AP2A2: variants seen among roughly 807,000 people sequenced by gnomAD.
AP2A2 encodes AP-2 complex subunit alpha-2.
Under a neutral mutation model 104.2 loss-of-function variants are expected in AP2A2, and 32 were observed. The observed-to-expected ratio is 0.31, with a 90% confidence interval of 0.23 to 0.41. AP2A2 has a LOEUF of 0.41. Among genes scored for constraint, AP2A2 ranks in the 10% least tolerant of loss-of-function variants. The pLI, the probability that AP2A2 is intolerant of heterozygous loss-of-function variation, is 1.00. For synonymous variants in AP2A2, 539 were observed against 533.3 expected, an observed-to-expected ratio of 1.01 and a Z score of -0.15; for missense variants, 912 against 1,261.0, an observed-to-expected ratio of 0.72 and a Z score of 4.19.
intron 2 of AP2A2, among the ~76,000 whole-genome samples, chr11:960,598 G>A (rs1390438955): frequency 6.7e-6 from 1 of 150,236 alleles, no homozygotes; most frequent in Non-Finnish European, 1.5e-5. Context: ...GGCCGGTCTC[G>A]AACTCCCGAC....
At chr11:973,578 G>C (rs987314879) in intron 4 of AP2A2, among the ~76,000 whole-genome samples, 3 of 152,122 alleles carry the variant, frequency 2.0e-5, no homozygotes, top group Non-Finnish European at 2.9e-5. Context: ...TGAAGGCACT[G>C]TTGCTCCTCA....
At chr11:951,672 G>T (rs1467786400) in intron 1 of AP2A2, among the ~76,000 whole-genome samples, 2 of 152,192 alleles carry the variant, frequency 1.3e-5, no homozygotes, top group Non-Finnish European at 2.9e-5. Flanking sequence ...GAGAAACCGA[G>T]GCAGGTTGCG....
intron 16 of AP2A2, among the ~76,000 whole-genome samples, chr11:1,006,291 G>A: frequency 6.6e-6 from 1 of 152,222 alleles, no homozygotes; most frequent in Non-Finnish European, 1.5e-5. Flanking sequence ...GAGGGAGGAG[G>A]GTGCTGGAGG....
chr11:932,379 C>G (rs1237932889), intron 1 of AP2A2, among the ~76,000 whole-genome samples: 1 of 152,216 alleles, frequency 6.6e-6, no homozygotes, highest in Non-Finnish European at 1.5e-5. Flanking sequence ...AAACTGAACA[C>G]TAAATTTTAA....
rs185752909 is a variant in AP2A2, at chr11:1,010,946, G to A, written c.*321G>A. On this transcript the variant is annotated 3_prime_UTR_variant, in exon 22 of 22. Coordinates refer to ENST00000448903, the MANE Select transcript of AP2A2 (RefSeq NM_012305.4). ...AGTTGGCGTGAACGTGGCGTTTGTG[G>A]GAGTGTCACTGAGATGGCCCGTGCT... 4.1e-6 allele frequency: 3 copies of A among 724,784 alleles called. No homozygotes were observed. The highest frequency in any genetic ancestry group is 2.5e-5 in the East Asian group (1 of 39,890). 44.9% of individuals were successfully genotyped at this position (724,784 alleles called of 1,614,324 possible).
chr11:1,008,849 C>G (rs1856301003), intron 18 of AP2A2: 2 of 549,014 alleles, frequency 3.6e-6, no homozygotes, highest in Non-Finnish European at 6.4e-6. Flanking sequence ...TTCTGGGAAA[C>G]AGATGAATGG....
At position 987,376 on chromosome 11, in the gene AP2A2, G is replaced by C. The variant is rs557411527; in HGVS notation, c.1131+423G>C. ...TAAAATTTCAGAGTTGGGGCCGGGC[G>C]CGGTGGCTGACGCCTGTAATCCCAG... On this transcript the variant is annotated intron_variant, in intron 9 of 21. Transcript: ENST00000448903. Among the ~76,000 whole-genome samples, 3 of 152,284 alleles carry C rather than the reference G, an allele frequency of 2.0e-5. No individual in the cohort carries two copies. In the East Asian group the frequency reaches 5.8e-4, roughly 29 times the overall value.
chr11:949,321 A>G (rs547242524), intron 1 of AP2A2, among the ~76,000 whole-genome samples: 1 of 152,120 alleles, frequency 6.6e-6, no homozygotes, highest in East Asian at 1.9e-4. Context: ...TTGGAAAAGT[A>G]GGAGGGCATA....
At chr11:986,751 G>T (rs1235957647) in intron 8 of AP2A2, 34 bp from the exon 9 acceptor site, 1 of 1,604,640 alleles carries the variant, frequency 6.2e-7, no homozygotes. Flanking sequence ...CACTTGCTGA[G>T]GAAACCCCAC....
At chr11:1,000,193 A>T (rs1405504336) in intron 14 of AP2A2, among the ~76,000 whole-genome samples, 1 of 152,164 alleles carries the variant, frequency 6.6e-6, no homozygotes, top group Non-Finnish European at 1.5e-5. Flanking sequence ...GCCTTAGTGA[A>T]ATTATGACTG....
At chr11:950,829 A>C (rs1450071291) in intron 1 of AP2A2, among the ~76,000 whole-genome samples, 1 of 152,178 alleles carries the variant, frequency 6.6e-6, no homozygotes, top group Non-Finnish European at 1.5e-5. Context: ...TGTGGTGGCC[A>C]TACCTGTAAT....
At chr11:944,434 A>C (rs1283481938) in intron 1 of AP2A2, among the ~76,000 whole-genome samples, 1 of 152,228 alleles carries the variant, frequency 6.6e-6, no homozygotes, top group Non-Finnish European at 1.5e-5. Flanking sequence ...CTCCGTGTTC[A>C]CATGGAGCTT....
intron 2 of AP2A2, among the ~76,000 whole-genome samples, chr11:966,028 G>A (rs536542899): frequency 1.1e-4 from 17 of 152,262 alleles, no homozygotes; most frequent in African/African-American, 3.9e-4. Context: ...TGTAGAGATG[G>A]GGTCTCGCTG....
chr11:990,427 G>A (rs555086326), intron 10 of AP2A2, among the ~76,000 whole-genome samples: 4 of 151,920 alleles, frequency 2.6e-5, no homozygotes, highest in African/African-American at 9.7e-5. Flanking sequence ...CGGCCGTCAC[G>A]GGAGCCTCGT....
In AP2A2 at chr11:993,210, G is replaced by A. The variant is rs771714469; in HGVS notation, c.1453-74G>A. ...GGCTGGTGCTGGTGTAGGGTGCACC[G>A]CGCCAGGACGTGCCCGCCTCGCCTT... On this transcript the variant is annotated intron_variant, in intron 11 of 21. Transcript: ENST00000448903. This position sits in a 1 kb window ranked among gnomAD's most constrained non-coding sequence, Gnocchi z 8.2. 2.8e-4 allele frequency: 339 copies of A among 1,231,152 alleles called. No individual in the cohort carries two copies. Among genetic ancestry groups the A allele is most frequent in the Non-Finnish European group, 3.4e-4 (303 of 892,066 alleles). The allele number at this position is 1,231,152 out of a possible 1,614,324, so 76.3% of individuals were successfully genotyped here.
chr11:1,002,596 C>T (rs867204098), intron 15 of AP2A2, among the ~76,000 whole-genome samples: 4 of 152,238 alleles, frequency 2.6e-5, no homozygotes, highest in Admixed American at 6.5e-5. Flanking sequence ...CATTGCGTGG[C>T]GAGCAGCGCC....
At position 979,265 on chromosome 11, in the gene AP2A2, A is replaced by C. The variant is rs191987477; in HGVS notation, c.604-1933A>C. ...GTGTTTCCTGGGGGAACACACCGTG[A>C]ACATTCAGGAGCCCCGTGGGGAATG... On this transcript the variant is annotated intron_variant, in intron 5 of 21. Coordinates refer to ENST00000448903, the MANE Select transcript of AP2A2 (RefSeq NM_012305.4). Among the ~76,000 whole-genome samples, 263 of 150,132 alleles carry C rather than the reference A, an allele frequency of 1.8e-3. 3 individuals are homozygous for C. Among genetic ancestry groups the C allele is most frequent in the African/African-American group, 6.1e-3 (247 of 40,794 alleles).
At chr11:1,004,364 T>G (rs1856130879) in intron 16 of AP2A2, among the ~76,000 whole-genome samples, 1 of 152,060 alleles carries the variant, frequency 6.6e-6, no homozygotes. Flanking sequence ...TCCCAGCTAC[T>G]TGGGAGGCTG....
At chr11:1,009,866 T>C in intron 21 of AP2A2, 49 bp downstream of exon 21, 2 of 1,521,272 alleles carry the variant, frequency 1.3e-6, no homozygotes, top group South Asian at 1.2e-5. Context: ...CTTTTTATTC[T>C]GGCACAATGT....
Sources: allele counts gnomAD v4.1 joint callset (sites outside exome capture counted in the v4.1 genomes callset), GRCh38; gene constraint gnomAD v4.1.1; non-coding constraint Gnocchi (gnomAD v3.1); transcripts MANE v1.5; gene names NCBI Gene and HGNC (gene_info 2026-07-23, HGNC 2026-07-21).